The following ATAT1 variants were observed in gnomAD, a reference collection of about 807,000 sequenced individuals.
The protein encoded by ATAT1 is alpha-tubulin N-acetyltransferase 1.
ATAT1 carries 42 observed loss-of-function variants against 57.2 expected under a neutral mutation model. That is an observed-to-expected ratio of 0.73 (90% CI 0.57 to 0.95). ATAT1 has a LOEUF of 0.95. ATAT1 is among the 40% of genes least tolerant of loss of function. The pLI, the probability that ATAT1 is intolerant of heterozygous loss-of-function variation, is 0.00. For missense variants in ATAT1, 454 were observed against 523.7 expected (o/e 0.87, Z 1.30); for synonymous variants, 168 against 187.1 (o/e 0.90, Z 0.83).
chr6:30,641,368 C>A (rs1765408822), intron 8 of ATAT1, among the ~76,000 whole-genome samples: 1 of 152,224 alleles, frequency 6.6e-6, no homozygotes, highest in Admixed American at 6.5e-5. Flanking sequence ...GTTTCCAAGG[C>A]TTCTCCCATT....
Position 30,627,024 on chromosome 6 carries a change from T to C in ATAT1, c.-180T>C. On this transcript the variant is annotated 5_prime_UTR_variant, in exon 1 of 13. Transcript: ENST00000330083. Reference sequence around the variant, plus strand: ...GCTCAAACCCACCCTCTGGCCCTTTTCTCCCGGTTCCTCTCCAAACCTGGT... The same window carrying C: ...GCTCAAACCCACCCTCTGGCCCTTTCCTCCCGGTTCCTCTCCAAACCTGGT... 1 of 1,559,082 alleles carries C rather than the reference T, an allele frequency of 6.4e-7. No homozygotes were observed. The highest frequency in any genetic ancestry group is 8.7e-7 in the Non-Finnish European group (1 of 1,149,504).
Position 30,637,016 on chromosome 6 carries a change from G to A in ATAT1, c.502-3361G>A, listed in dbSNP as rs533844174. 1.1e-4 allele frequency among the ~76,000 whole-genome samples: 16 copies of A among 152,044 alleles called. No individual in the cohort carries two copies. The South Asian group carries it at 1.9e-3, about 18-fold the overall frequency. On this transcript the variant is annotated intron_variant, in intron 6 of 12. Coordinates refer to ENST00000330083, the MANE Select transcript of ATAT1 (RefSeq NM_001031722.4). ...TGAGGTTTCACCATGTTGGCCAGAC[G>A]TCTCGAACTTCTGACCTCAAGTGAT...
intron 10 of ATAT1, 42 bp downstream of exon 10, chr6:30,643,053 AG>A (rs1213767311): frequency 1.3e-6 from 2 of 1,554,486 alleles, no homozygotes; most frequent in African/African-American, 2.8e-5. Flanking sequence ...CAGCTATAAA[AG>A]AGGATGTTAG....
At chr6:30,627,963 A>G in intron 4 of ATAT1, 52 bp downstream of exon 4, 1 of 1,609,764 alleles carries the variant, frequency 6.2e-7, no homozygotes, top group East Asian at 2.2e-5. Flanking sequence ...CTGAGAACAA[A>G]AGTGCTGGAG....
intron 10 of ATAT1, chr6:30,643,801 T>G (rs1766056200): frequency 1.5e-6 from 2 of 1,340,064 alleles, no homozygotes; most frequent in East Asian, 5.4e-5. Flanking sequence ...TCTGAATACT[T>G]TCCCAACAGG....
intron 6 of ATAT1, among the ~76,000 whole-genome samples, chr6:30,637,583 T>C (rs1764399754): frequency 6.6e-6 from 1 of 151,010 alleles, no homozygotes; most frequent in Non-Finnish European, 1.5e-5. Context: ...CTCAGGAGGC[T>C]GAGACAGGAG....
At chr6:30,638,964 C>A (rs1764765219) in intron 6 of ATAT1, among the ~76,000 whole-genome samples, 1 of 152,078 alleles carries the variant, frequency 6.6e-6, no homozygotes. Context: ...CCCCTTGGAA[C>A]CCTGCTGAAT....
chr6:30,640,283 T>G, intron 6 of ATAT1, 94 bp from the exon 7 acceptor site: 1 of 1,373,360 alleles, frequency 7.3e-7, no homozygotes, highest in Non-Finnish European at 1.0e-6. Flanking sequence ...CTCTGTGATG[T>G]TCACACAATG....
chr6:30,634,288 G>C (rs1484659192), intron 6 of ATAT1, among the ~76,000 whole-genome samples: 2 of 151,678 alleles, frequency 1.3e-5, no homozygotes, highest in Non-Finnish European at 2.9e-5. Context: ...GTCTAGCTCT[G>C]TCGCCAGGCT....
At chr6:30,639,508 G>A (rs1582839516) in intron 6 of ATAT1, among the ~76,000 whole-genome samples, 1 of 128,494 alleles carries the variant, frequency 7.8e-6, no homozygotes, top group African/African-American at 2.9e-5. Context: ...ACGGAGTCTT[G>A]CTCCATCGCC....
Position 30,627,100 on chromosome 6 carries a change from C to T in ATAT1, c.-104C>T. 6.4e-7 allele frequency: 1 copy of T among 1,568,094 alleles called. No individual in the cohort carries two copies. Among genetic ancestry groups the T allele is most frequent in the Non-Finnish European group, 8.7e-7 (1 of 1,155,046 alleles). ...GACTAGTGATCGCCCCTTTTGATGT[C>T]CAGGCCTGCCTTTTTGGTGACCTCT... On this transcript the variant is annotated 5_prime_UTR_variant, in exon 1 of 13. Coordinates refer to ENST00000330083, the MANE Select transcript of ATAT1 (RefSeq NM_001031722.4).
chr6:30,646,176 C>A, intron 12 of ATAT1, 67 bp downstream of exon 12: 1 of 1,565,976 alleles, frequency 6.4e-7, no homozygotes, highest in Non-Finnish European at 8.7e-7. Flanking sequence ...ACATCATTCT[C>A]AGTCACTTCC....
intron 6 of ATAT1, among the ~76,000 whole-genome samples, chr6:30,634,372 T>C (rs1478605725): frequency 5.9e-5 from 9 of 151,806 alleles, no homozygotes; most frequent in Admixed American, 5.9e-4. Flanking sequence ...TGCCTCAGCC[T>C]CCTGAGTAGC....
Position 30,645,968 on chromosome 6 carries a change from A to C in ATAT1, c.1006A>C (p.Asn336His). The C allele has an allele frequency of 2.5e-6, 4 of 1,578,824 alleles. No homozygotes were observed. Among genetic ancestry groups the C allele is most frequent in the African/African-American group, 1.3e-5 (1 of 74,350 alleles). ...TGGGGGGGTGAATTCCTCATCCCCC[A>C]ATACAGGTAAGTATTCACTCCTCCC... is the stretch of plus-strand genomic sequence containing the variant. The change falls in exon 11 of 13, where the codon AAT becomes CAT. Residue 336 changes from asparagine to histidine, a missense_variant. By Grantham distance (68) the Asn-to-His change is moderately conservative. Transcript: ENST00000330083.
intron 10 of ATAT1, chr6:30,644,781 G>A (rs959529138): frequency 2.8e-6 from 1 of 360,582 alleles, no homozygotes; most frequent in Non-Finnish European, 3.9e-6. Context: ...TTTTACCCAG[G>A]AGCCTCAGAG....
At chr6:30,644,376 T>C in intron 10 of ATAT1, 2 of 985,854 alleles carry the variant, frequency 2.0e-6, no homozygotes, top group Non-Finnish European at 2.4e-6. Flanking sequence ...TCTTGTGAGA[T>C]TGTCGAGATG....
chr6:30,642,833 G>GCTCC lies in ATAT1; in HGVS notation c.755_756insTCCC (p.His253ProfsTer48). On this transcript the variant is annotated frameshift_variant, in exon 10 of 13. Coordinates refer to ENST00000330083, the MANE Select transcript of ATAT1 (RefSeq NM_001031722.4). LOFTEE classifies it high-confidence loss of function. ...GGCCCCTCGCCGCGCCACACCTCCA[G>GCTCC]CCCACCCACCCCCCCGCTCCAGCAG... is the stretch of plus-strand genomic sequence containing the variant. The GCTCC allele has an allele frequency of 5.2e-6, 8 of 1,537,874 alleles. No individual in the cohort carries two copies. The South Asian group carries it at 5.8e-5, about 11-fold the overall frequency.
chr6:30,641,671 A>C, intron 8 of ATAT1: 1 of 585,138 alleles, frequency 1.7e-6, no homozygotes, highest in Non-Finnish European at 2.1e-6. Flanking sequence ...ACCTAATAAA[A>C]CTTCAGTCTC....
chr6:30,639,601 C>T (rs943448935), intron 6 of ATAT1, among the ~76,000 whole-genome samples: 3 of 151,812 alleles, frequency 2.0e-5, no homozygotes, highest in Non-Finnish European at 2.9e-5. Context: ...CTCAGCCTCC[C>T]GAGTAGCTGG....
Sources: gnomAD v4.1 joint callset for allele counts (sites outside exome capture counted in the v4.1 genomes callset) on GRCh38, gnomAD v4.1.1 for gene constraint, MANE v1.5 for transcripts, NCBI Gene and HGNC (gene_info 2026-07-23, HGNC 2026-07-21) for gene names.